CNTNAP2: variants seen among roughly 807,000 people sequenced by gnomAD.
The protein encoded by CNTNAP2 is contactin-associated protein-like 2.
A neutral mutation model predicts 155.2 loss-of-function variants in CNTNAP2; 98 were observed. That is an observed-to-expected ratio of 0.63 (90% CI 0.54 to 0.75). The LOEUF is 0.75. Among genes scored for constraint, CNTNAP2 ranks in the 30% least tolerant of loss-of-function variants. The pLI, the probability that CNTNAP2 is intolerant of heterozygous loss-of-function variation, is 0.00. For missense variants in CNTNAP2, 1,727 were observed against 1,688.1 expected, an observed-to-expected ratio of 1.02 and a Z score of -0.40; for synonymous variants, 651 against 631.2, an observed-to-expected ratio of 1.03 and a Z score of -0.47.
chr7:147,460,740 A>G (rs1798007822), intron 10 of CNTNAP2, among the ~76,000 whole-genome samples: 1 of 152,212 alleles, frequency 6.6e-6, no homozygotes. Context: ...TGCCTATACT[A>G]ATAGCTGAGT....
At chr7:147,347,021 GA>G (rs1305508600) in intron 9 of CNTNAP2, among the ~76,000 whole-genome samples, 1 of 152,068 alleles carries the variant, frequency 6.6e-6, no homozygotes, top group Non-Finnish European at 1.5e-5. Context: ...TAAAAATGAA[GA>G]AAACATGAAT....
chr7:147,607,345 G>C (rs1418345960), intron 12 of CNTNAP2, among the ~76,000 whole-genome samples: 1 of 152,032 alleles, frequency 6.6e-6, no homozygotes, highest in Non-Finnish European at 1.5e-5. Flanking sequence ...ACACTGTGGG[G>C]TATTGTTTTG....
chr7:148,045,035 GA>G (rs1192412844), intron 15 of CNTNAP2, among the ~76,000 whole-genome samples: 1 of 152,124 alleles, frequency 6.6e-6, no homozygotes, highest in African/African-American at 2.4e-5. Flanking sequence ...CACTCTCTGT[GA>G]AAGCTCTGAG....
At chr7:147,222,856 A>G (rs1368792555) in intron 8 of CNTNAP2, among the ~76,000 whole-genome samples, 1 of 116,640 alleles carries the variant, frequency 8.6e-6, no homozygotes, top group Non-Finnish European at 1.7e-5. Flanking sequence ...GTGGGACAGG[A>G]TGGTTACATT....
intron 1 of CNTNAP2, among the ~76,000 whole-genome samples, chr7:146,404,184 A>T (rs1221878877): frequency 6.6e-6 from 1 of 151,878 alleles, no homozygotes; most frequent in Non-Finnish European, 1.5e-5. Flanking sequence ...TGGAAATAAG[A>T]AGATGAAAAG....
At chr7:147,406,054 A>G (rs1299173001) in intron 10 of CNTNAP2, among the ~76,000 whole-genome samples, 1 of 152,188 alleles carries the variant, frequency 6.6e-6, no homozygotes, top group African/African-American at 2.4e-5. Context: ...CTTTTTAATG[A>G]CATTTCTTTA....
chr7:148,288,944 CAAAAAAAAAAAAAA>C (rs58641348), intron 21 of CNTNAP2, among the ~76,000 whole-genome samples: 4 of 101,794 alleles, frequency 3.9e-5, no homozygotes, highest in African/African-American at 1.4e-4. Context: ...TCTTATTCAG[CAAAAAAAAAAAAAA>C]AAAAAAAAAA....
chr7:147,239,887 T>C (rs145103765), intron 8 of CNTNAP2, among the ~76,000 whole-genome samples: 408 of 152,302 alleles, frequency 2.7e-3, no homozygotes, highest in African/African-American at 9.2e-3. Context: ...CAAGTCGTAA[T>C]GCATCTTTTT....
intron 10 of CNTNAP2, among the ~76,000 whole-genome samples, chr7:147,481,629 C>T (rs901034041): frequency 6.6e-6 from 1 of 152,118 alleles, no homozygotes; most frequent in Non-Finnish European, 1.5e-5. Context: ...GCATTTGATT[C>T]TAAAGCATTT....
chr7:146,380,719 T>C (rs1395536816), intron 1 of CNTNAP2, among the ~76,000 whole-genome samples: 5 of 151,708 alleles, frequency 3.3e-5, no homozygotes, highest in Admixed American at 3.3e-4. Context: ...TTACTGTATT[T>C]ACACATAAGT....
At chr7:147,550,701 G>C (rs978671012) in intron 11 of CNTNAP2, among the ~76,000 whole-genome samples, 1 of 152,186 alleles carries the variant, frequency 6.6e-6, no homozygotes, top group Non-Finnish European at 1.5e-5. Context: ...GGCCACTGAG[G>C]AAAGACAATG....
intron 8 of CNTNAP2, among the ~76,000 whole-genome samples, chr7:147,239,418 G>A (rs1223053838): frequency 2.0e-5 from 3 of 151,150 alleles, no homozygotes; most frequent in African/African-American, 4.9e-5. Context: ...GCTGAGGCAG[G>A]AGAATCACTT....
chr7:146,953,700 T>A (rs973462299), intron 3 of CNTNAP2, among the ~76,000 whole-genome samples: 1 of 151,932 alleles, frequency 6.6e-6, no homozygotes, highest in Admixed American at 6.6e-5. Context: ...AGATATCACA[T>A]TCATCTTTTT....
At chr7:146,713,618 AT>A (rs1801136326) in intron 1 of CNTNAP2, among the ~76,000 whole-genome samples, 1 of 152,152 alleles carries the variant, frequency 6.6e-6, no homozygotes, top group Admixed American at 6.6e-5. Flanking sequence ...TGAATAGCTC[AT>A]TTTGTGTTGC....
At chr7:148,108,385 A>T (rs1804269854) in intron 15 of CNTNAP2, among the ~76,000 whole-genome samples, 1 of 151,308 alleles carries the variant, frequency 6.6e-6, no homozygotes, top group African/African-American at 2.4e-5. Flanking sequence ...AAATCAGTGG[A>T]GATGAAGAGA....
intron 1 of CNTNAP2, among the ~76,000 whole-genome samples, chr7:146,225,311 CAT>C (rs573649496): frequency 6.2e-4 from 95 of 152,194 alleles, no homozygotes; most frequent in Middle Eastern, 3.4e-3. Context: ...TCACAAAGTA[CAT>C]AGAGAAAAAT....
At chr7:147,386,921 T>C (rs1375074935) in intron 9 of CNTNAP2, among the ~76,000 whole-genome samples, 2 of 152,238 alleles carry the variant, frequency 1.3e-5, no homozygotes, top group African/African-American at 4.8e-5. Flanking sequence ...CAGTTCCATG[T>C]GGCTAGGTAA....
chr7:146,533,636 G>A (rs1162915711), intron 1 of CNTNAP2, among the ~76,000 whole-genome samples: 1 of 152,050 alleles, frequency 6.6e-6, no homozygotes, highest in Non-Finnish European at 1.5e-5. Context: ...TTGCTCCAGA[G>A]TCAATCTTGA....
At chr7:148,412,439 G>A (rs2373365) in intron 23 of CNTNAP2, among the ~76,000 whole-genome samples, 88,998 of 152,138 alleles carry the variant, frequency 0.58, 26,739 homozygotes, top group African/African-American at 0.67. Context: ...TCTCAGCAAC[G>A]TATTGTGGTT....
Sources: allele counts gnomAD v4.1 joint callset (sites outside exome capture counted in the v4.1 genomes callset), GRCh38; gene constraint gnomAD v4.1.1; transcripts MANE v1.5; gene names NCBI Gene and HGNC (gene_info 2026-07-23, HGNC 2026-07-21).